Variants in DCX observed in about 807,000 individuals in gnomAD.
DCX encodes neuronal migration protein doublecortin.
Under a neutral mutation model 20.9 loss-of-function variants are expected in DCX, and 4 were observed. The observed-to-expected ratio is 0.19, with a 90% CI of 0.09 to 0.44. DCX has a LOEUF of 0.44. Among genes scored for constraint, DCX ranks in the 20% least tolerant of loss-of-function variants. The probability of loss-of-function intolerance (pLI) is 0.99; values close to 1 mark genes in which losing one functional copy is unlikely to be tolerated. For missense variants in DCX, 133 were observed against 296.9 expected, an observed-to-expected ratio of 0.45 and a Z score of 4.06; for synonymous variants, 103 against 111.4, an observed-to-expected ratio of 0.92 and a Z score of 0.47.
In DCX at chrX:111,298,282, T is replaced by C. The variant is rs1432525940; in HGVS notation, c.*3405A>G. 2 of 111,771 alleles carry C rather than the reference T, an allele frequency of 1.8e-5. No individual in the cohort carries two copies. The highest frequency in any genetic ancestry group is 4.2e-3 in the Middle Eastern group (1 of 238). The allele number at this position is 111,771 out of a possible 1,213,427, so 9.2% of individuals were successfully genotyped here. ...GGCTCCTCACGATGGAGCAGTGATC[T>C]CCTGAATCAGATGGACAAGGCCAGG... is the stretch of plus-strand genomic sequence containing the variant. On this transcript the variant is annotated 3_prime_UTR_variant, in exon 7 of 7. Transcript: ENST00000636035.
intron 5 of DCX, among the ~76,000 whole-genome samples, chrX:111,323,944 T>A (rs982913139): frequency 5.4e-5 from 6 of 111,588 alleles, no homozygotes; most frequent in African/African-American, 2.0e-4. Flanking sequence ...ATGGTTCACA[T>A]GTCCAACAAT....
At position 111,357,608 on chromosome X, in the gene DCX, G is replaced by T. The variant is rs185179049; in HGVS notation, c.706-24455C>A. On this transcript the variant is annotated intron_variant, in intron 3 of 6. Coordinates refer to ENST00000636035, the MANE Select transcript of DCX (RefSeq NM_001195553.2). ...AGCCTGGGCAACATAGTGAGCTTTT[G>T]TCTCTACAAGAAAAATTTAAAAAAT... Among the ~76,000 whole-genome samples the T allele has an allele frequency of 7.4e-3, 811 of 110,060 alleles. 4 individuals carry two copies. Among genetic ancestry groups the T allele is most frequent in the African/African-American group, 0.021 (638 of 30,239 alleles).
In DCX at chrX:111,295,218, T is replaced by C. The variant is rs753660703; in HGVS notation, c.*6469A>G. 1.9e-4 allele frequency: 21 copies of C among 111,767 alleles called. No individual in the cohort carries two copies. The East Asian group carries it at 5.9e-3, about 32-fold the overall frequency. The allele number at this position is 111,767 out of a possible 1,213,427, so 9.2% of individuals were successfully genotyped here. A position where few individuals can be genotyped will look rare whatever the true frequency, so the allele number is the denominator to read the frequency against. ...CATTCCATATGGTATTGCCAAGCAG[T>C]GACATTTCCAAGGGCTTTGCACTCT... On this transcript the variant is annotated 3_prime_UTR_variant, in exon 7 of 7. Transcript: ENST00000636035.
intron 1 of DCX, chrX:111,411,236 T>A (rs748495337): frequency 8.8e-6 from 3 of 342,809 alleles, no homozygotes; most frequent in African/African-American, 5.4e-5. Context: ...AAATCCTTTT[T>A]TTTCCCCCCC....
At chrX:111,348,247 A>C (rs926343602) in intron 3 of DCX, among the ~76,000 whole-genome samples, 6 of 112,073 alleles carry the variant, frequency 5.4e-5, no homozygotes, top group Non-Finnish European at 1.1e-4. Flanking sequence ...AAGGAAAAAC[A>C]GCAGGAGACT....
At chrX:111,309,623 C>T (rs1375050212) in intron 6 of DCX, among the ~76,000 whole-genome samples, 1 of 111,880 alleles carries the variant, frequency 8.9e-6, no homozygotes, top group Non-Finnish European at 1.9e-5. Context: ...TATGATATTC[C>T]TGCCCCAAAT....
chrX:111,384,737 T>A (rs1187751083), intron 3 of DCX, among the ~76,000 whole-genome samples: 2 of 112,286 alleles, frequency 1.8e-5, no homozygotes, highest in Non-Finnish European at 3.8e-5. Context: ...AATTTACTGA[T>A]GTCTGGGACT....
intron 3 of DCX, among the ~76,000 whole-genome samples, chrX:111,358,071 G>T (rs1302225702): frequency 9.0e-6 from 1 of 111,436 alleles, no homozygotes; most frequent in Non-Finnish European, 1.9e-5. Context: ...CTGGTGGTCC[G>T]CCTGCCTCAG....
chrX:111,345,850 A>T (rs1195314341), intron 3 of DCX, among the ~76,000 whole-genome samples: 1 of 111,844 alleles, frequency 8.9e-6, no homozygotes, highest in East Asian at 2.8e-4. Context: ...ACTAATTTAC[A>T]TTCCCACCAA....
At chrX:111,410,960 G>A (rs773011865) in intron 1 of DCX, 2 of 1,208,829 alleles carry the variant, frequency 1.7e-6, no homozygotes, top group South Asian at 1.8e-5. Flanking sequence ...GACTATGAAG[G>A]GGGAGTGTTT....
At chrX:111,409,532 G>C (rs1247540722) in intron 2 of DCX, among the ~76,000 whole-genome samples, 1 of 111,702 alleles carries the variant, frequency 9.0e-6, no homozygotes, top group Non-Finnish European at 1.9e-5. Context: ...GCTGAGCCGC[G>C]ACCACTTACC....
intron 3 of DCX, among the ~76,000 whole-genome samples, chrX:111,398,649 C>T (rs146557573): frequency 0.02 from 2,281 of 112,129 alleles, 26 homozygotes; most frequent in South Asian, 0.037. Context: ...GAGCTTGCCA[C>T]TCTGCATGGC....
intron 4 of DCX, among the ~76,000 whole-genome samples, chrX:111,331,920 C>G (rs748363090): frequency 8.9e-6 from 1 of 112,662 alleles, no homozygotes; most frequent in Non-Finnish European, 1.9e-5. Flanking sequence ...AAAGTCAAGT[C>G]CCCTGAGTTC....
At chrX:111,369,958 T>G (rs1234327384) in intron 3 of DCX, among the ~76,000 whole-genome samples, 1 of 111,595 alleles carries the variant, frequency 9.0e-6, no homozygotes, top group Non-Finnish European at 1.9e-5. Context: ...ATCATCTACT[T>G]TGAGCCAGGC....
At chrX:111,332,177 T>C (rs900542330) in intron 4 of DCX, among the ~76,000 whole-genome samples, 4 of 112,566 alleles carry the variant, frequency 3.6e-5, no homozygotes, top group African/African-American at 1.3e-4. Context: ...CTTCTTGTTT[T>C]GGTTGGTGAC....
intron 5 of DCX, among the ~76,000 whole-genome samples, chrX:111,322,413 C>T (rs73264387): frequency 0.013 from 1,407 of 112,055 alleles, 12 homozygotes; most frequent in Non-Finnish European, 0.018. Context: ...TCTGTAACTC[C>T]CTAATGCCTT....
At chrX:111,352,291 T>C (rs1330274191) in intron 3 of DCX, among the ~76,000 whole-genome samples, 1 of 111,572 alleles carries the variant, frequency 9.0e-6, no homozygotes, top group Non-Finnish European at 1.9e-5. Flanking sequence ...TCAAGATATT[T>C]ACCTTAGCCC....
intron 1 of DCX, chrX:111,410,875 C>A (rs748679253): frequency 3.3e-6 from 4 of 1,211,377 alleles, no homozygotes; most frequent in African/African-American, 1.7e-5. Flanking sequence ...CAAAATTCCC[C>A]TTGAAGAGAA....
intron 3 of DCX, among the ~76,000 whole-genome samples, chrX:111,398,121 C>T (rs1927482282): frequency 9.1e-6 from 1 of 110,273 alleles, no homozygotes; most frequent in Admixed American, 9.7e-5. Flanking sequence ...TGTCTGCCCT[C>T]AGTGACTTCC....
Sources: gnomAD v4.1 joint callset for allele counts (sites outside exome capture counted in the v4.1 genomes callset) on GRCh38, gnomAD v4.1.1 for gene constraint, MANE v1.5 for transcripts, NCBI Gene and HGNC (gene_info 2026-07-23, HGNC 2026-07-21) for gene names.